LRRC1: variants seen among roughly 807,000 people sequenced by gnomAD.
LRRC1 encodes leucine rich repeat containing 1, also known as leucine-rich repeat-containing protein 1.
LRRC1 carries 28 observed loss-of-function variants against 69.9 expected under a neutral mutation model. That is an observed-to-expected ratio of 0.40 (90% CI 0.30 to 0.55). LRRC1 has a LOEUF of 0.55. Ranked by LOEUF, LRRC1 falls within the 20% of genes least tolerant of loss-of-function variation. LRRC1 has a pLI of 0.47. For synonymous variants in LRRC1, 236 were observed against 240.2 expected, an observed-to-expected ratio of 0.98 and a Z score of 0.16; for missense variants, 498 against 609.0, an observed-to-expected ratio of 0.82 and a Z score of 1.92.
chr6:53,845,661 C>T (rs1445556300), intron 2 of LRRC1, among the ~76,000 whole-genome samples: 1 of 152,144 alleles, frequency 6.6e-6, no homozygotes. Context: ...TTGTTTTGGC[C>T]ATGGAGGAGA....
intron 2 of LRRC1, among the ~76,000 whole-genome samples, chr6:53,875,793 G>T (rs1406765228): frequency 1.3e-5 from 2 of 151,976 alleles, no homozygotes; most frequent in African/African-American, 2.4e-5. Context: ...TTGTACATAT[G>T]TATGGGTACA....
chr6:53,795,253 G>C lies in LRRC1; in HGVS notation c.-4G>C. 1 of 1,602,012 alleles carries C rather than the reference G, an allele frequency of 6.2e-7. No individual in the cohort carries two copies. On this transcript the variant is annotated 5_prime_UTR_variant, in exon 1 of 14. Transcript: ENST00000370888. ...GACCCGGCTAGGCGGCGGCGGGGGC[G>C]GCGATGTTCCACTGCATCCCCCTGT...
chr6:53,840,884 T>TGTG (rs1765759485), intron 1 of LRRC1, among the ~76,000 whole-genome samples: 6 of 125,230 alleles, frequency 4.8e-5, no homozygotes, highest in Non-Finnish European at 8.4e-5. Context: ...GGGTATGTGT[T>TGTG]TGTGTGTGTG....
intron 11 of LRRC1, among the ~76,000 whole-genome samples, chr6:53,915,755 G>C (rs1327631032): frequency 6.6e-6 from 1 of 152,178 alleles, no homozygotes; most frequent in Non-Finnish European, 1.5e-5. Flanking sequence ...ATTTGAGTCA[G>C]TTAAGTGTGT....
At chr6:53,884,428 G>T (rs918839469) in intron 4 of LRRC1, among the ~76,000 whole-genome samples, 1 of 152,134 alleles carries the variant, frequency 6.6e-6, no homozygotes, top group Non-Finnish European at 1.5e-5. Flanking sequence ...GATCACTTGA[G>T]CCCAGAAGGT....
intron 11 of LRRC1, among the ~76,000 whole-genome samples, chr6:53,916,581 C>G (rs529091851): frequency 6.6e-6 from 1 of 151,868 alleles, no homozygotes; most frequent in Non-Finnish European, 1.5e-5. Context: ...TAGTAGTTCC[C>G]CTAGATGAGA....
chr6:53,844,440 C>T (rs1433951839), intron 2 of LRRC1, among the ~76,000 whole-genome samples: 3 of 152,174 alleles, frequency 2.0e-5, no homozygotes, highest in African/African-American at 7.2e-5. Flanking sequence ...TGGGATGCTC[C>T]GTGGGAAGTC....
chr6:53,873,083 G>A (rs1296414803), intron 2 of LRRC1, among the ~76,000 whole-genome samples: 1 of 151,620 alleles, frequency 6.6e-6, no homozygotes, highest in Non-Finnish European at 1.5e-5. Flanking sequence ...TAACCCATAA[G>A]CACAGTATAT....
At chr6:53,911,133 T>C (rs565066296) in intron 10 of LRRC1, among the ~76,000 whole-genome samples, 1 of 152,302 alleles carries the variant, frequency 6.6e-6, no homozygotes, top group East Asian at 1.9e-4. Context: ...TGTACGCAAT[T>C]GCTTTCCACC....
At chr6:53,824,148 A>C (rs1765194498) in intron 1 of LRRC1, among the ~76,000 whole-genome samples, 1 of 151,288 alleles carries the variant, frequency 6.6e-6, no homozygotes, top group African/African-American at 2.4e-5. Flanking sequence ...CAACCTCGCC[A>C]GCAGATGTTA....
At chr6:53,874,144 A>G (rs981898677) in intron 2 of LRRC1, among the ~76,000 whole-genome samples, 9 of 152,206 alleles carry the variant, frequency 5.9e-5, no homozygotes, top group African/African-American at 1.9e-4. Flanking sequence ...GCCAGCACTC[A>G]GTGAAATAGA....
At chr6:53,896,972 C>A in intron 6 of LRRC1, 80 bp downstream of exon 6, 1 of 877,464 alleles carries the variant, frequency 1.1e-6, no homozygotes, top group Non-Finnish European at 1.9e-6. Context: ...CTATAGGGAT[C>A]TTTATGAAGC....
At chr6:53,814,423 G>T (rs766594256) in intron 1 of LRRC1, among the ~76,000 whole-genome samples, 25 of 152,178 alleles carry the variant, frequency 1.6e-4, no homozygotes, top group Non-Finnish European at 2.4e-4. Context: ...ACACATATCT[G>T]TCCATTATTG....
In LRRC1 at chr6:53,922,696, T is replaced by C. The variant is rs2127443964; in HGVS notation, c.1478T>C (p.Val493Ala). Reference sequence around the variant, plus strand: ...GAGTTAAAGCACATGAAAAAGACAGTGGAGAATTTACGGAATGACATGAAT... The same window carrying C: ...GAGTTAAAGCACATGAAAAAGACAGCGGAGAATTTACGGAATGACATGAAT... Reference protein sequence around the residue: ...PGELKHMKKTVENLRNDMNAA... With the variant: ...PGELKHMKKTAENLRNDMNAA... The change falls in exon 14 of 14, where the codon GTG (valine) becomes GCG (alanine). Residue 493 changes from valine to alanine, a missense_variant. Physicochemically the swap from Val to Ala is moderately conservative, Grantham distance 64. Around this residue, in one of 3 missense-constraint regions of LRRC1, gnomAD observed 162 missense variants for 162.9 expected, o/e 0.99. Transcript: ENST00000370888. The C allele has an allele frequency of 6.2e-7, 1 of 1,613,982 alleles. No individual in the cohort carries two copies. The highest frequency in any genetic ancestry group is 8.5e-7 in the Non-Finnish European group (1 of 1,179,934).
intron 10 of LRRC1, among the ~76,000 whole-genome samples, chr6:53,906,267 C>T (rs928568074): frequency 1.3e-5 from 2 of 152,190 alleles, no homozygotes; most frequent in Non-Finnish European, 1.5e-5. Context: ...CCAGTAAACA[C>T]GTGACCACTT....
At chr6:53,811,645 A>G (rs1190774739) in intron 1 of LRRC1, among the ~76,000 whole-genome samples, 3 of 152,250 alleles carry the variant, frequency 2.0e-5, no homozygotes, top group Non-Finnish European at 4.4e-5. Flanking sequence ...ACAGCTAGGC[A>G]GTTAAACAGA....
intron 4 of LRRC1, among the ~76,000 whole-genome samples, chr6:53,889,389 G>C (rs1233069179): frequency 1.3e-5 from 2 of 152,008 alleles, no homozygotes; most frequent in Admixed American, 1.3e-4. Flanking sequence ...AACCTAGGAG[G>C]GTTATTATTG....
intron 1 of LRRC1, among the ~76,000 whole-genome samples, chr6:53,826,841 T>TA (rs1449785002): frequency 1.3e-5 from 2 of 152,020 alleles, no homozygotes; most frequent in African/African-American, 2.4e-5. Context: ...TTTTTTTTTT[T>TA]AACACTCTTC....
intron 2 of LRRC1, among the ~76,000 whole-genome samples, chr6:53,862,798 G>A (rs983204508): frequency 6.6e-6 from 1 of 152,054 alleles, no homozygotes; most frequent in Non-Finnish European, 1.5e-5. Flanking sequence ...TGATAAATGG[G>A]ATGCATTTGA....
Sources: gnomAD v4.1 joint callset for allele counts (sites outside exome capture counted in the v4.1 genomes callset) on GRCh38, gnomAD v4.1.1 for gene constraint, gnomAD v4.1.1 regional missense constraint, MANE v1.5 for transcripts, NCBI Gene and HGNC (gene_info 2026-07-23, HGNC 2026-07-21) for gene names.